Variants in KIAA2012 observed in about 807,000 individuals in gnomAD.
KIAA2012 encodes the protein KIAA2012, also known as uncharacterized protein KIAA2012.
In KIAA2012, 125 loss-of-function variants were observed where a neutral mutation model predicts 150.6. The ratio of observed to expected loss-of-function variants is 0.83; its 90% CI spans 0.72 to 0.96. The LOEUF is 0.96. Ranked by LOEUF, KIAA2012 falls within the 40% of genes least tolerant of loss-of-function variation. The probability of loss-of-function intolerance (pLI) is 0.00; values close to 1 mark genes in which losing one functional copy is unlikely to be tolerated. For synonymous variants in KIAA2012, 462 were observed against 504.7 expected (o/e 0.92, Z 1.13); for missense variants, 1,219 against 1,354.9 (o/e 0.90, Z 1.57).
chr2:202,165,450 G>C, intron 15 of KIAA2012, 94 bp downstream of exon 15: 3 of 1,248,634 alleles, frequency 2.4e-6, no homozygotes, highest in Non-Finnish European at 3.4e-6. Flanking sequence ...GGCCAGGCAC[G>C]GTGGCTCACG....
At chr2:202,118,948 T>C (rs1559210987) in intron 11 of KIAA2012, among the ~76,000 whole-genome samples, 1 of 152,222 alleles carries the variant, frequency 6.6e-6, no homozygotes, top group Non-Finnish European at 1.5e-5. Context: ...CATATGTAGC[T>C]GAAAAGGTGG....
chr2:202,128,438 G>C (rs1462728144), intron 12 of KIAA2012, among the ~76,000 whole-genome samples: 1 of 106,512 alleles, frequency 9.4e-6, no homozygotes, highest in Non-Finnish European at 1.8e-5. Context: ...TCTTTTTGGG[G>C]GTTTTTTTTT....
intron 15 of KIAA2012, among the ~76,000 whole-genome samples, chr2:202,176,260 G>A (rs1423743706): frequency 6.6e-6 from 1 of 150,810 alleles, no homozygotes; most frequent in Non-Finnish European, 1.5e-5. Context: ...GCAATGGCAT[G>A]ATCTTGGCTC....
intron 14 of KIAA2012, among the ~76,000 whole-genome samples, chr2:202,157,880 T>C (rs574046796): frequency 6.6e-6 from 1 of 152,206 alleles, no homozygotes; most frequent in Non-Finnish European, 1.5e-5. Flanking sequence ...ACACATTCCA[T>C]CTGCACCAGG....
At chr2:202,133,899 A>G (rs1429334804) in intron 12 of KIAA2012, among the ~76,000 whole-genome samples, 1 of 152,250 alleles carries the variant, frequency 6.6e-6, no homozygotes, top group African/African-American at 2.4e-5. Context: ...CATATAAAAT[A>G]AAGTATTTTT....
At chr2:202,148,293 G>C (rs1289052481) in intron 13 of KIAA2012, among the ~76,000 whole-genome samples, 1 of 152,154 alleles carries the variant, frequency 6.6e-6, no homozygotes, top group Non-Finnish European at 1.5e-5. Flanking sequence ...TTTCTCTTCC[G>C]AGGCTCATGT....
intron 12 of KIAA2012, among the ~76,000 whole-genome samples, chr2:202,131,607 T>C (rs1690930322): frequency 2.0e-5 from 3 of 152,238 alleles, no homozygotes; most frequent in Admixed American, 1.3e-4. Context: ...TTGAGAGCTA[T>C]GAACGAGTTC....
chr2:202,101,814 A>T (rs1690050899), intron 7 of KIAA2012, among the ~76,000 whole-genome samples: 1 of 152,232 alleles, frequency 6.6e-6, no homozygotes, highest in South Asian at 2.1e-4. Flanking sequence ...TTAATGTCTC[A>T]AAATTATAAA....
intron 15 of KIAA2012, among the ~76,000 whole-genome samples, chr2:202,175,108 T>TC (rs1011890251): frequency 2.0e-5 from 3 of 152,198 alleles, no homozygotes; most frequent in African/African-American, 7.2e-5. Flanking sequence ...TTCTTTTTTT[T>TC]CCCCCTTTTA....
intron 12 of KIAA2012, among the ~76,000 whole-genome samples, chr2:202,134,344 G>A (rs1691016962): frequency 6.7e-6 from 1 of 149,786 alleles, no homozygotes; most frequent in Non-Finnish European, 1.5e-5. Context: ...TGTAACCACT[G>A]GATATTTGGC....
chr2:202,084,851 A>G (rs1382259972), intron 2 of KIAA2012, among the ~76,000 whole-genome samples: 2 of 152,186 alleles, frequency 1.3e-5, no homozygotes, highest in African/African-American at 4.8e-5. Flanking sequence ...AAAAAGAGAG[A>G]GAAGAAAGAA....
chr2:202,078,136 A>G (rs1164020446), intron 2 of KIAA2012, among the ~76,000 whole-genome samples: 2 of 152,250 alleles, frequency 1.3e-5, no homozygotes, highest in Non-Finnish European at 2.9e-5. Context: ...CATTGACTAC[A>G]GGGTTCTTTA....
At chr2:202,117,888 C>G (rs1005383243) in intron 11 of KIAA2012, among the ~76,000 whole-genome samples, 2 of 152,242 alleles carry the variant, frequency 1.3e-5, no homozygotes, top group South Asian at 2.1e-4. Context: ...TATTTGATCA[C>G]TGAATCCCTT....
intron 12 of KIAA2012, among the ~76,000 whole-genome samples, chr2:202,132,802 A>ATATATC: frequency 1.1e-5 from 1 of 94,684 alleles, no homozygotes; most frequent in South Asian, 3.4e-4. Flanking sequence ...ATATATATAT[A>ATATATC]TTTTTTTTTT....
chr2:202,153,611 G>A (rs902833648), intron 13 of KIAA2012, among the ~76,000 whole-genome samples: 54 of 152,146 alleles, frequency 3.5e-4, no homozygotes, highest in African/African-American at 1.3e-3. Flanking sequence ...TCCATCCCCA[G>A]CTATTCCCTC....
Position 202,073,500 on chromosome 2 carries a change from A to T in KIAA2012, c.-128A>T. 1.4e-6 allele frequency: 1 copy of T among 700,588 alleles called. No homozygotes were observed. The highest frequency in any genetic ancestry group is 2.4e-6 in the Non-Finnish European group (1 of 417,636). 43.4% of individuals were successfully genotyped at this position (700,588 alleles called of 1,614,324 possible). A position where few individuals can be genotyped will look rare whatever the true frequency, so the allele number is the denominator to read the frequency against. On this transcript the variant is annotated 5_prime_UTR_variant, in exon 1 of 24. Transcript: ENST00000498697. ...TGCTGCGAGAGGGAAAAATGTATTT[A>T]ATAAAAGGCCCTGTGTTTGTGGTCT...
At chr2:202,179,408 A>G in intron 15 of KIAA2012, 2 of 749,840 alleles carry the variant, frequency 2.7e-6, no homozygotes, top group Non-Finnish European at 4.9e-6. Context: ...AGTGGGAATT[A>G]AAGCGGCAAA....
intron 11 of KIAA2012, chr2:202,116,287 C>G (rs1274454189): frequency 6.6e-6 from 1 of 151,822 alleles, no homozygotes; most frequent in Non-Finnish European, 1.5e-5. Flanking sequence ...GGATTTTTAC[C>G]CTCAAAATGT....
intron 12 of KIAA2012, among the ~76,000 whole-genome samples, chr2:202,126,582 C>T (rs1016917908): frequency 2.0e-5 from 3 of 150,186 alleles, no homozygotes; most frequent in East Asian, 2.0e-4. Flanking sequence ...GCCAGAGCAG[C>T]TCTTAAATAG....
Sources: allele counts gnomAD v4.1 joint callset (sites outside exome capture counted in the v4.1 genomes callset), GRCh38; gene constraint gnomAD v4.1.1; transcripts MANE v1.5; gene names NCBI Gene and HGNC (gene_info 2026-07-23, HGNC 2026-07-21).